Variants in CTIF observed in about 807,000 individuals in gnomAD.
CTIF encodes the protein cap binding complex dependent translation initiation factor.
CTIF carries 21 observed loss-of-function variants against 66.0 expected under a neutral mutation model. The observed-to-expected ratio is 0.32, with a 90% CI of 0.23 to 0.46. The LOEUF is 0.46. CTIF is among the 20% of genes least tolerant of loss of function. The pLI is 1.00. For synonymous variants in CTIF, 345 were observed against 326.4 expected (o/e 1.06, Z -0.62); for missense variants, 739 against 812.7 (o/e 0.91, Z 1.10).
rs567131141 is a variant in CTIF, at chr18:48,821,254, T to C, written c.1527+3878T>C. Among the ~76,000 whole-genome samples the C allele has an allele frequency of 2.6e-5, 4 of 152,338 alleles. No individual in the cohort carries two copies. The East Asian group carries it at 7.7e-4, about 29-fold the overall frequency. ...TCACCCCAGCCTCTTCACGTTGCCT[T>C]GTAGTAGTGTTCAGTAACGGTAGCA... On this transcript the variant is annotated intron_variant, in intron 10 of 11. Transcript: ENST00000256413.
At chr18:48,685,791 C>G (rs1011700369) in intron 6 of CTIF, among the ~76,000 whole-genome samples, 1 of 152,066 alleles carries the variant, frequency 6.6e-6, no homozygotes, top group African/African-American at 2.4e-5. Flanking sequence ...ATTCTCCTGC[C>G]TCAGCCTCCC....
chr18:48,556,250 G>A (rs550987747), intron 1 of CTIF, among the ~76,000 whole-genome samples: 2 of 152,302 alleles, frequency 1.3e-5, no homozygotes, highest in East Asian at 1.9e-4. Context: ...ATAGGTGGGG[G>A]CATCACTGTG....
chr18:48,623,898 TA>T (rs909853258), intron 2 of CTIF, among the ~76,000 whole-genome samples: 46 of 152,046 alleles, frequency 3.0e-4, no homozygotes, highest in African/African-American at 1.1e-3. Flanking sequence ...GATGGATGGA[TA>T]GACAGACAGA....
Position 48,542,096 on chromosome 18 carries a change from C to T in CTIF, c.-29+2784C>T, listed in dbSNP as rs536567633. 1.1e-4 allele frequency among the ~76,000 whole-genome samples: 16 copies of T among 152,322 alleles called. No homozygotes were observed. In the East Asian group the frequency reaches 2.9e-3, roughly 27 times the overall value. Reference sequence around the variant, plus strand: ...AAAAATAGAGTATATTATGCTGACACATATTCTTTCTCAAAACACTCTTGA... The same window carrying T: ...AAAAATAGAGTATATTATGCTGACATATATTCTTTCTCAAAACACTCTTGA... On this transcript the variant is annotated intron_variant, in intron 1 of 11. Coordinates refer to ENST00000256413, the MANE Select transcript of CTIF (RefSeq NM_014772.3).
intron 9 of CTIF, among the ~76,000 whole-genome samples, chr18:48,781,021 G>A (rs1911157112): frequency 6.6e-6 from 1 of 152,192 alleles, no homozygotes; most frequent in Non-Finnish European, 1.5e-5. Flanking sequence ...GTCACAGAAG[G>A]CGAAGACCCC....
chr18:48,603,320 G>T (rs1213076949), intron 1 of CTIF, among the ~76,000 whole-genome samples: 1 of 149,284 alleles, frequency 6.7e-6, no homozygotes, highest in Non-Finnish European at 1.5e-5. Context: ...TGGATGGTTG[G>T]ATGGATACAT....
rs576961914 is a variant in CTIF at position 48,788,477 on chromosome 18, G to A, written c.1371+26788G>A. The stretch of plus-strand genomic sequence containing the variant: ...AGCCACTGAGGGCCTTTTAGTGCCA[G>A]CAGTGAATCCTGTGACTGTGTTCCT... On this transcript the variant is annotated intron_variant, in intron 9 of 11. Coordinates refer to ENST00000256413, the MANE Select transcript of CTIF (RefSeq NM_014772.3). Among the ~76,000 whole-genome samples the A allele has an allele frequency of 9.2e-5, 14 of 152,290 alleles. No homozygotes were observed. In the South Asian group the frequency reaches 2.7e-3, roughly 29 times the overall value.
rs531795331 is a variant in CTIF at position 48,711,009 on chromosome 18, G to C, written c.508-610G>C. On this transcript the variant is annotated intron_variant, in intron 6 of 11. Coordinates refer to ENST00000256413, the MANE Select transcript of CTIF (RefSeq NM_014772.3). ...TAATGATGATAGTAATGCTGAAAAA[G>C]TAATTTAGCTAATTCCATGTTTTCC... Among the ~76,000 whole-genome samples the C allele has an allele frequency of 2.8e-4, 43 of 152,262 alleles. No homozygotes were observed. The South Asian group carries it at 7.9e-3, about 28-fold the overall frequency.
chr18:48,688,304 C>T (rs2091875253), intron 6 of CTIF: 1 of 152,260 alleles, frequency 6.6e-6, no homozygotes, highest in Non-Finnish European at 1.5e-5. Context: ...CTCCTACCGA[C>T]ATGTTGTCAC....
intron 1 of CTIF, among the ~76,000 whole-genome samples, chr18:48,594,711 T>C (rs965455884): frequency 6.6e-6 from 1 of 152,238 alleles, no homozygotes; most frequent in African/African-American, 2.4e-5. Flanking sequence ...GTCCCCCTCC[T>C]GTGCCCATCC....
At chr18:48,774,548 C>T (rs967771209) in intron 9 of CTIF, among the ~76,000 whole-genome samples, 1 of 152,134 alleles carries the variant, frequency 6.6e-6, no homozygotes, top group Non-Finnish European at 1.5e-5. Context: ...GGACAGATCC[C>T]AGGTCCCAGA....
chr18:48,803,954 G>T (rs529584099), intron 9 of CTIF, among the ~76,000 whole-genome samples: 3 of 152,178 alleles, frequency 2.0e-5, no homozygotes, highest in Non-Finnish European at 4.4e-5. Context: ...CAGCCCTGGG[G>T]TTGCTGTTTG....
intron 6 of CTIF, among the ~76,000 whole-genome samples, chr18:48,706,995 C>T (rs948094081): frequency 2.6e-5 from 4 of 152,340 alleles, no homozygotes; most frequent in Middle Eastern, 3.4e-3. Flanking sequence ...TGGGGAAAAG[C>T]AGGCAGGGCC....
intron 8 of CTIF, chr18:48,760,719 TA>T (rs1908905833): frequency 6.6e-6 from 1 of 152,252 alleles, no homozygotes; most frequent in Admixed American, 6.5e-5. Context: ...TGAAATCTCA[TA>T]AGGCTGTAGG....
At chr18:48,743,464 C>CTT (rs1019685243) in intron 7 of CTIF, among the ~76,000 whole-genome samples, 5 of 152,308 alleles carry the variant, frequency 3.3e-5, no homozygotes, top group Admixed American at 2.0e-4. Flanking sequence ...CTTTTTGTTT[C>CTT]TTTTTATGCC....
intron 1 of CTIF, among the ~76,000 whole-genome samples, chr18:48,606,126 A>C (rs572384518): frequency 6.6e-6 from 1 of 152,304 alleles, no homozygotes; most frequent in South Asian, 2.1e-4. Flanking sequence ...TGTGGCCTGC[A>C]GAGCTTGGCT....
intron 3 of CTIF, among the ~76,000 whole-genome samples, chr18:48,655,098 T>G (rs1438427203): frequency 2.6e-5 from 4 of 151,800 alleles, no homozygotes; most frequent in African/African-American, 4.8e-5. Flanking sequence ...ATTGTGCACA[T>G]GTACCCTAGA....
intron 1 of CTIF, among the ~76,000 whole-genome samples, chr18:48,575,714 G>A (rs1327117537): frequency 6.6e-6 from 1 of 152,220 alleles, no homozygotes; most frequent in Non-Finnish European, 1.5e-5. Context: ...CCGTCCTAAA[G>A]CCTCCCTGCC....
chr18:48,627,793 A>AAGGG (rs1295806728), intron 2 of CTIF, among the ~76,000 whole-genome samples: 3 of 135,806 alleles, frequency 2.2e-5, no homozygotes, highest in East Asian at 5.0e-4. Flanking sequence ...GGGAGGAAGG[A>AAGGG]AGGGAGGGAG....
Sources: gnomAD v4.1 joint callset for allele counts (sites outside exome capture counted in the v4.1 genomes callset) on GRCh38, gnomAD v4.1.1 for gene constraint, MANE v1.5 for transcripts, NCBI Gene and HGNC (gene_info 2026-07-23, HGNC 2026-07-21) for gene names.